OPCML: variants seen among roughly 807,000 people sequenced by gnomAD.
OPCML encodes opioid-binding protein/cell adhesion molecule.
Under a neutral mutation model 37.8 loss-of-function variants are expected in OPCML, and 13 were observed. That is an observed-to-expected ratio of 0.34 (90% confidence interval 0.22 to 0.55). The LOEUF (loss-of-function observed/expected upper bound fraction) is 0.55, where lower values mean the gene tolerates loss of function less well. OPCML is among the 20% of genes least tolerant of loss of function. The pLI is 0.91. For missense variants in OPCML, 341 were observed against 435.6 expected, an observed-to-expected ratio of 0.78 and a Z score of 1.93; for synonymous variants, 176 against 168.8, an observed-to-expected ratio of 1.04 and a Z score of -0.33.
intron 2 of OPCML, among the ~76,000 whole-genome samples, chr11:132,762,277 GA>G (rs147329823): frequency 0.013 from 1,947 of 152,336 alleles, 13 homozygotes; most frequent in Non-Finnish European, 0.018. Flanking sequence ...TCCCAGACAG[GA>G]GGCATGGGGG....
At chr11:133,487,534 T>C (rs1296941983) in intron 1 of OPCML, among the ~76,000 whole-genome samples, 1 of 152,186 alleles carries the variant, frequency 6.6e-6, no homozygotes, top group Non-Finnish European at 1.5e-5. Flanking sequence ...CTGGTGTTTT[T>C]CTCTTCATAG....
chr11:132,683,282 C>A (rs2135860183), intron 2 of OPCML, among the ~76,000 whole-genome samples: 1 of 152,202 alleles, frequency 6.6e-6, no homozygotes, highest in East Asian at 1.9e-4. Flanking sequence ...TGCCTGTAGT[C>A]CCAGTTACTT....
Position 133,072,469 on chromosome 11 carries a change from C to T in OPCML, c.62-129459G>A, listed in dbSNP as rs146349785. On this transcript the variant is annotated intron_variant, in intron 1 of 7. Transcript: ENST00000524381. ...AAATAGAAAATCTAGATATGGTTAA[C>T]TAAAACAAATGAATGAATCTCTGAC... is the stretch of plus-strand genomic sequence containing the variant. Among the ~76,000 whole-genome samples, 1,116 of 152,254 alleles carry T rather than the reference C, an allele frequency of 7.3e-3. 14 individuals are homozygous for T. The highest frequency in any genetic ancestry group is 0.026 in the African/African-American group (1,068 of 41,548).
At chr11:132,573,939 T>C (rs2096444073) in intron 3 of OPCML, among the ~76,000 whole-genome samples, 2 of 152,108 alleles carry the variant, frequency 1.3e-5, no homozygotes, top group African/African-American at 4.8e-5. Flanking sequence ...TATTTCTTCA[T>C]GGCTTAGTTG....
chr11:132,515,650 C>G (rs548747139), intron 4 of OPCML, among the ~76,000 whole-genome samples: 33 of 152,318 alleles, frequency 2.2e-4, no homozygotes, highest in African/African-American at 7.9e-4. Flanking sequence ...TTAAAATCCT[C>G]TAAGCAATGT....
chr11:133,282,373 T>C (rs1050659387), intron 1 of OPCML, among the ~76,000 whole-genome samples: 1 of 152,068 alleles, frequency 6.6e-6, no homozygotes, highest in African/African-American at 2.4e-5. Flanking sequence ...CTCCAGAGAG[T>C]GCAGGCCATA....
chr11:132,526,784 C>G (rs1169439685), intron 4 of OPCML, among the ~76,000 whole-genome samples: 1 of 151,864 alleles, frequency 6.6e-6, no homozygotes, highest in East Asian at 1.9e-4. Flanking sequence ...CTTTTTTTTA[C>G]AGTTTTATTA....
At chr11:133,269,502 A>G (rs750706442) in intron 1 of OPCML, among the ~76,000 whole-genome samples, 1 of 152,226 alleles carries the variant, frequency 6.6e-6, no homozygotes, top group Non-Finnish European at 1.5e-5. Context: ...CCAGATTTTC[A>G]CATTGACATA....
At chr11:133,084,340 A>G (rs928549306) in intron 1 of OPCML, among the ~76,000 whole-genome samples, 2 of 152,102 alleles carry the variant, frequency 1.3e-5, no homozygotes, top group South Asian at 2.1e-4. Flanking sequence ...CTCAACCATC[A>G]ATGTTTTAAG....
At chr11:132,577,100 A>G (rs2096452810) in intron 3 of OPCML, among the ~76,000 whole-genome samples, 1 of 152,124 alleles carries the variant, frequency 6.6e-6, no homozygotes, top group African/African-American at 2.4e-5. Context: ...TCCCCCTTAC[A>G]GCTTTAGTGA....
intron 1 of OPCML, among the ~76,000 whole-genome samples, chr11:133,012,555 T>C (rs1947238755): frequency 6.6e-6 from 1 of 152,208 alleles, no homozygotes; most frequent in Non-Finnish European, 1.5e-5. Flanking sequence ...CAAAAGTGAA[T>C]TGAGATATTT....
At chr11:132,966,330 T>A (rs1946213833) in intron 1 of OPCML, among the ~76,000 whole-genome samples, 1 of 152,130 alleles carries the variant, frequency 6.6e-6, no homozygotes, top group Admixed American at 6.5e-5. Context: ...TTTTTTAAAT[T>A]TCTCAATTTT....
intron 1 of OPCML, among the ~76,000 whole-genome samples, chr11:133,342,526 C>T (rs894403276): frequency 2.6e-5 from 4 of 152,318 alleles, no homozygotes; most frequent in Non-Finnish European, 5.9e-5. Flanking sequence ...ATCTCCCTGC[C>T]GCCTACTGAT....
chr11:132,461,788 C>G (rs2096102736), intron 4 of OPCML, among the ~76,000 whole-genome samples: 1 of 152,066 alleles, frequency 6.6e-6, no homozygotes, highest in Admixed American at 6.6e-5. Flanking sequence ...GGAAACATGT[C>G]CTTCTTCACA....
chr11:133,152,274 G>A (rs976208101), intron 1 of OPCML, among the ~76,000 whole-genome samples: 4 of 152,238 alleles, frequency 2.6e-5, no homozygotes, highest in African/African-American at 9.6e-5. Flanking sequence ...CCCGAAGAAA[G>A]CGGAAAAGAG....
chr11:133,073,808 CTATGTACTTTATA>C (rs1041841980), intron 1 of OPCML, among the ~76,000 whole-genome samples: 1 of 152,160 alleles, frequency 6.6e-6, no homozygotes, highest in African/African-American at 2.4e-5. Flanking sequence ...AGATACACGG[CTATGTACTTTATA>C]TATGTTAGCT....
chr11:133,433,266 A>AT (rs1157741976), intron 1 of OPCML, among the ~76,000 whole-genome samples: 1 of 151,650 alleles, frequency 6.6e-6, no homozygotes, highest in African/African-American at 2.4e-5. Context: ...AAAAAAAAAA[A>AT]AAAATATTAC....
chr11:133,452,875 A>C (rs1206350476), intron 1 of OPCML, among the ~76,000 whole-genome samples: 1 of 151,664 alleles, frequency 6.6e-6, no homozygotes, highest in Non-Finnish European at 1.5e-5. Context: ...AGTTAAGACT[A>C]ACTTATGGGT....
chr11:133,233,529 G>GAAAC (rs1239498116), intron 1 of OPCML, among the ~76,000 whole-genome samples: 5 of 152,062 alleles, frequency 3.3e-5, no homozygotes, highest in Non-Finnish European at 5.9e-5. Context: ...ATATAATTTT[G>GAAAC]AAACAACCCA....
Sources: gnomAD v4.1 joint callset for allele counts (sites outside exome capture counted in the v4.1 genomes callset) on GRCh38, gnomAD v4.1.1 for gene constraint, MANE v1.5 for transcripts, NCBI Gene and HGNC (gene_info 2026-07-23, HGNC 2026-07-21) for gene names.